TTF2: variants seen among roughly 807,000 people sequenced by gnomAD.
TTF2 encodes the protein RNA polymerase II termination factor.
Under a neutral mutation model 142.4 loss-of-function variants are expected in TTF2, and 108 were observed. That is an observed-to-expected ratio of 0.76 (90% CI 0.65 to 0.89). The LOEUF is 0.89. Ranked by LOEUF, TTF2 falls within the 40% of genes least tolerant of loss-of-function variation. The probability of loss-of-function intolerance (pLI) is 0.00; values close to 1 mark genes in which losing one functional copy is unlikely to be tolerated. For missense variants in TTF2, 1,327 were observed against 1,379.8 expected, an observed-to-expected ratio of 0.96 and a Z score of 0.61; for synonymous variants, 483 against 506.2, an observed-to-expected ratio of 0.95 and a Z score of 0.61.
chr1:117,089,386 G>A (rs2101123299), intron 13 of TTF2, among the ~76,000 whole-genome samples: 1 of 151,898 alleles, frequency 6.6e-6, no homozygotes, highest in Middle Eastern at 3.4e-3. Flanking sequence ...AAAGAATGTT[G>A]ATTTTAAAAT....
intron 13 of TTF2, 80 bp downstream of exon 13, chr1:117,089,062 C>G: frequency 2.1e-6 from 3 of 1,430,804 alleles, no homozygotes; most frequent in Non-Finnish European, 1.9e-6. Context: ...ATAATAAAGC[C>G]TTAGTATGTG....
chr1:117,089,257 ATGC>A (rs1190223291), intron 13 of TTF2, among the ~76,000 whole-genome samples: 6 of 59,960 alleles, frequency 1.0e-4, no homozygotes, highest in African/African-American at 2.8e-4. Flanking sequence ...ATGCAAATAT[ATGC>A]TATATATATA....
chr1:117,092,010 A>G lies in TTF2; in HGVS notation c.2805+60A>G. ...CTCCAGAGGGGCCACCTGAGAAGTC[A>G]ATTTCACTCTCCTCCAACTGGAATC... On this transcript the variant is annotated intron_variant, in intron 17 of 22. Coordinates refer to ENST00000369466, the MANE Select transcript of TTF2 (RefSeq NM_003594.4). This position sits in a 1 kb window ranked among gnomAD's most constrained non-coding sequence, Gnocchi z 4.4. The G allele has an allele frequency of 6.7e-7, 1 of 1,501,672 alleles. No individual in the cohort carries two copies. Among genetic ancestry groups the G allele is most frequent in the Non-Finnish European group, 9.0e-7 (1 of 1,108,948 alleles). The allele number at this position is 1,501,672 out of a possible 1,614,324, so 93.0% of individuals were successfully genotyped here.
chr1:117,063,960 C>T lies in TTF2; in HGVS notation c.218+1487C>T, dbSNP rs951215711. ...ACTACAGTCAAGGTACTGAAGAGTTCCATCACAGGATCTCTCTGTTGCCCT... is the reference window on the plus strand; with the variant it reads ...ACTACAGTCAAGGTACTGAAGAGTTTCATCACAGGATCTCTCTGTTGCCCT... On this transcript the variant is annotated intron_variant, in intron 3 of 22. Transcript: ENST00000369466. This position sits in a 1 kb window ranked among gnomAD's most constrained non-coding sequence, Gnocchi z 4.1. 2.0e-5 allele frequency among the ~76,000 whole-genome samples: 3 copies of T among 152,248 alleles called. No homozygotes were observed. The highest frequency in any genetic ancestry group is 2.9e-5 in the Non-Finnish European group (2 of 68,024).
At chr1:117,062,726 A>T (rs1000578070) in intron 3 of TTF2, among the ~76,000 whole-genome samples, 1 of 152,238 alleles carries the variant, frequency 6.6e-6, no homozygotes, top group Non-Finnish European at 1.5e-5. Flanking sequence ...CAGGTAGCCT[A>T]TAATGACAGC....
rs1648439363 is a variant in TTF2, at chr1:117,090,142, T to C, written c.2430T>C (p.Ser810=). ...NGSKKGGERL[S]ILTKSLLLRR... ...CAAAGAAAGGAGGAGAACGGTTAAGTATTTTAACCAAGAGCCTTTTGCTGA... is the reference window on the plus strand; with the variant it reads ...CAAAGAAAGGAGGAGAACGGTTAAGCATTTTAACCAAGAGCCTTTTGCTGA... The change falls in exon 14 of 23, where the codon AGT becomes AGC. Residue 810 remains serine, a synonymous_variant. Transcript: ENST00000369466. This position sits in a 1 kb window ranked among gnomAD's most constrained non-coding sequence, Gnocchi z 4.8. 4 of 1,614,142 alleles carry C rather than the reference T, an allele frequency of 2.5e-6. No individual in the cohort carries two copies. Among genetic ancestry groups the C allele is most frequent in the Non-Finnish European group, 3.4e-6 (4 of 1,179,974 alleles).
chr1:117,084,955 C>T (rs557979225), intron 11 of TTF2, among the ~76,000 whole-genome samples: 11 of 152,252 alleles, frequency 7.2e-5, no homozygotes, highest in Non-Finnish European at 1.5e-4. Context: ...TTATGACAGG[C>T]CAGTTCTCAT....
chr1:117,094,834 G>A (rs1466137584), intron 18 of TTF2: 4 of 354,588 alleles, frequency 1.1e-5, no homozygotes, highest in Non-Finnish European at 2.2e-5. Flanking sequence ...TGCTATGATA[G>A]TACTTGGGCA....
At chr1:117,095,060 C>T (rs77262358) in intron 18 of TTF2, among the ~76,000 whole-genome samples, 12 of 152,300 alleles carry the variant, frequency 7.9e-5, no homozygotes, top group Non-Finnish European at 1.2e-4. Flanking sequence ...AGCAAGAATC[C>T]GGCAAGCTGC....
intron 3 of TTF2, among the ~76,000 whole-genome samples, chr1:117,068,207 A>G (rs552282660): frequency 7.2e-5 from 11 of 152,354 alleles, no homozygotes; most frequent in South Asian, 6.2e-4. Flanking sequence ...ATAAATGGAA[A>G]TATTTCTTTG....
chr1:117,062,768 G>T (rs1655791181), intron 3 of TTF2, among the ~76,000 whole-genome samples: 1 of 152,086 alleles, frequency 6.6e-6, no homozygotes, highest in African/African-American at 2.4e-5. Flanking sequence ...CCCTTAACTT[G>T]TCAATCTTCT....
rs544511918 is a variant in TTF2 at position 117,080,008 on chromosome 1, C to CTTTT, written c.1783+374_1783+377dup. On this transcript the variant is annotated intron_variant, in intron 9 of 22. Coordinates refer to ENST00000369466, the MANE Select transcript of TTF2 (RefSeq NM_003594.4). This position sits in a 1 kb window ranked among gnomAD's most constrained non-coding sequence, Gnocchi z 4.3. ...ACAAACAGCAGTCTATTGCCTCCCT[C>CTTTT]TTTTTTTTTTTTTTTTTTGAGATGG... Among the ~76,000 whole-genome samples the CTTTT allele has an allele frequency of 7.2e-6, 1 of 138,964 alleles. No individual in the cohort carries two copies. Among genetic ancestry groups the CTTTT allele is most frequent in the Non-Finnish European group, 1.6e-5 (1 of 63,522 alleles). 91.2% of individuals were successfully genotyped at this position (138,964 alleles called of 152,430 possible).
intron 15 of TTF2, 108 bp from the exon 16 acceptor site, chr1:117,091,220 A>G: frequency 1.2e-6 from 1 of 840,350 alleles, no homozygotes. Flanking sequence ...TGAGCTTGGC[A>G]TCATTTAACA....
chr1:117,075,647 G>A lies in TTF2; in HGVS notation c.1063G>A (p.Glu355Lys), dbSNP rs1268047311. The change falls in exon 5 of 23, where the codon GAG becomes AAG. Residue 355 changes from glutamate to lysine, a missense_variant. Transcript: ENST00000369466. This position sits in a 1 kb window ranked among gnomAD's most constrained non-coding sequence, Gnocchi z 4.5. ...AGCTGCCACAAGCAGTGACGACGAGGAGGAAGATGATGTTGTTTTTGTTTC... is the reference window on the plus strand; with the variant it reads ...AGCTGCCACAAGCAGTGACGACGAGAAGGAAGATGATGTTGTTTTTGTTTC... Reference protein sequence around the residue: ...REAATSSDDEEEDDVVFVSSK... With the variant: ...REAATSSDDEKEDDVVFVSSK... 6.2e-7 allele frequency: 1 copy of A among 1,614,066 alleles called. No individual in the cohort carries two copies. The highest frequency in any genetic ancestry group is 1.3e-5 in the African/African-American group (1 of 74,924).
rs1190510942 is a variant in TTF2, at chr1:117,104,961, C to A, written c.*3437C>A. 1 of 152,184 alleles carries A rather than the reference C, an allele frequency of 6.6e-6. No individual in the cohort carries two copies. 9.4% of individuals were successfully genotyped at this position (152,184 alleles called of 1,614,324 possible). Reference sequence around the variant, plus strand: ...GGTATGACAAGGTGGGTCTTTGCACCTTCTAGCGATGGGCAGCATCCCACA... The same window carrying A: ...GGTATGACAAGGTGGGTCTTTGCACATTCTAGCGATGGGCAGCATCCCACA... On this transcript the variant is annotated 3_prime_UTR_variant, in exon 23 of 23. Transcript: ENST00000369466.
At chr1:117,067,173 C>T (rs1246792942) in intron 3 of TTF2, among the ~76,000 whole-genome samples, 1 of 152,180 alleles carries the variant, frequency 6.6e-6, no homozygotes, top group African/African-American at 2.4e-5. Flanking sequence ...AAGTATGTTA[C>T]ATGTATTTCT....
At chr1:117,082,986 T>TA (rs1234233794) in intron 10 of TTF2, among the ~76,000 whole-genome samples, 1 of 152,168 alleles carries the variant, frequency 6.6e-6, no homozygotes, top group African/African-American at 2.4e-5. Flanking sequence ...CTCACGCCTG[T>TA]AATCCCAGCA....
intron 4 of TTF2, 126 bp from the exon 5 acceptor site, chr1:117,074,744 C>A: frequency 1.1e-6 from 1 of 879,732 alleles, no homozygotes; most frequent in Non-Finnish European, 1.7e-6. Flanking sequence ...GTGCAATATA[C>A]TCATATAACA....
chr1:117,098,060 C>T (rs984320620), intron 21 of TTF2: 2 of 152,680 alleles, frequency 1.3e-5, no homozygotes, highest in Non-Finnish European at 2.9e-5. Context: ...TGTCATTGGT[C>T]CAATTCTCCA....
Sources: allele counts gnomAD v4.1 joint callset (sites outside exome capture counted in the v4.1 genomes callset), GRCh38; gene constraint gnomAD v4.1.1; non-coding constraint Gnocchi (gnomAD v3.1); transcripts MANE v1.5; gene names NCBI Gene and HGNC (gene_info 2026-07-23, HGNC 2026-07-21).